The following UNC13B variants were observed in gnomAD, a reference collection of about 807,000 sequenced individuals.
UNC13B encodes unc-13 homolog B.
In UNC13B, 144 loss-of-function variants were observed where a neutral mutation model predicts 211.0. The ratio of observed to expected loss-of-function variants is 0.68; its 90% CI spans 0.60 to 0.78. UNC13B has a LOEUF of 0.78. Ranked by LOEUF, UNC13B falls within the 30% of genes least tolerant of loss-of-function variation. The pLI is 0.00. For synonymous variants in UNC13B, 709 were observed against 725.8 expected (o/e 0.98, Z 0.37); for missense variants, 1,777 against 2,002.0 (o/e 0.89, Z 2.14).
chr9:35,370,410 C>T lies in UNC13B; in HGVS notation c.9540+14C>T. The T allele has an allele frequency of 1.2e-6, 2 of 1,612,988 alleles. No homozygotes were observed. The highest frequency in any genetic ancestry group is 2.2e-5 in the East Asian group (1 of 44,876). ...GTCAGTGATCTGGTGAGTGAAGACTCTTGTGCAGGCATAGGCAGTAGCCTT... is the reference window on the plus strand; with the variant it reads ...GTCAGTGATCTGGTGAGTGAAGACTTTTGTGCAGGCATAGGCAGTAGCCTT... On this transcript the variant is annotated intron_variant, in intron 13 of 39. Coordinates refer to ENST00000635942, the MANE Select transcript of UNC13B (RefSeq NM_001371189.2).
In UNC13B at chr9:35,390,697, T is replaced by C; in HGVS notation, c.11291T>C (p.Met3764Thr). The change falls in exon 26 of 40, where the codon ATG (methionine) becomes ACG (threonine). Residue 3764 changes from methionine (M) to threonine (T), a missense_variant. By Grantham distance (81) the Met-to-Thr change is moderately conservative. Transcript: ENST00000635942. ...ATGTGGCATTTGTTTGCCCAAGACA[T>C]GAAATATGCATTGGAGGGTAAGGAT... ...EVMWHLFAQD[M>T]KYALEEHEKD... 6.2e-7 allele frequency: 1 copy of C among 1,614,068 alleles called. No homozygotes were observed. Among genetic ancestry groups the C allele is most frequent in the Non-Finnish European group, 8.5e-7 (1 of 1,180,006 alleles).
rs1820826359 is a variant in UNC13B at position 35,162,364 on chromosome 9, T to C, written c.22+59T>C. ...GTCGGCGTAGAGGTCCCCGCACCCT[T>C]CCAGTGGACGTCCGGTGACCGTCTC... On this transcript the variant is annotated intron_variant, in intron 1 of 39. Coordinates refer to ENST00000635942, the MANE Select transcript of UNC13B (RefSeq NM_001371189.2). 4.0e-6 allele frequency: 6 copies of C among 1,481,834 alleles called. No homozygotes were observed. The Admixed American group carries it at 1.3e-4, about 32-fold the overall frequency. The allele number at this position is 1,481,834 out of a possible 1,614,324, so 91.8% of individuals were successfully genotyped here.
intron 1 of UNC13B, among the ~76,000 whole-genome samples, chr9:35,168,496 T>C (rs889176680): frequency 6.6e-6 from 1 of 152,178 alleles, no homozygotes; most frequent in Admixed American, 6.5e-5. Flanking sequence ...TTCTTTGGCA[T>C]ATAATTATAC....
In UNC13B at chr9:35,384,325, A is replaced by T. The variant is rs753490976; in HGVS notation, c.10875+11A>T. ...CTCTCTACATACAGGGTGAGTGAAG[A>T]CACGGCTGTGGGCAGGATAATAGAT... is the stretch of plus-strand genomic sequence containing the variant. On this transcript the variant is annotated intron_variant, in intron 22 of 39. Transcript: ENST00000635942. The T allele has an allele frequency of 6.2e-7, 1 of 1,613,418 alleles. No homozygotes were observed. The highest frequency in any genetic ancestry group is 1.7e-5 in the Admixed American group (1 of 60,020).
At chr9:35,241,163 A>G (rs756048105) in intron 5 of UNC13B, among the ~76,000 whole-genome samples, 1 of 151,958 alleles carries the variant, frequency 6.6e-6, no homozygotes, top group Non-Finnish European at 1.5e-5. Flanking sequence ...AGTAATCCTC[A>G]TTTCAGTCCT....
chr9:35,403,357 C>T (rs1285319140), intron 38 of UNC13B, 83 bp from the exon 39 acceptor site: 36 of 1,602,568 alleles, frequency 2.2e-5, no homozygotes, highest in South Asian at 1.9e-4. Flanking sequence ...CAGCTCAGCC[C>T]TCCTCCAAGG....
chr9:35,210,887 A>G (rs1007898866), intron 1 of UNC13B, among the ~76,000 whole-genome samples: 1 of 152,072 alleles, frequency 6.6e-6, no homozygotes, highest in Non-Finnish European at 1.5e-5. Context: ...GCAATGCCCC[A>G]TAGAAGTGTT....
chr9:35,252,625 A>G (rs979470168), intron 6 of UNC13B, among the ~76,000 whole-genome samples: 2 of 151,718 alleles, frequency 1.3e-5, no homozygotes, highest in African/African-American at 4.8e-5. Flanking sequence ...TAATTATATT[A>G]TCCCTTCAGC....
intron 6 of UNC13B, among the ~76,000 whole-genome samples, chr9:35,249,211 G>A (rs1187851876): frequency 2.0e-5 from 3 of 152,060 alleles, no homozygotes; most frequent in Non-Finnish European, 4.4e-5. Context: ...TTGCTTGGTA[G>A]ATCTTCCTCC....
chr9:35,247,757 A>G (rs1826190739), intron 6 of UNC13B, among the ~76,000 whole-genome samples: 1 of 152,172 alleles, frequency 6.6e-6, no homozygotes, highest in Admixed American at 6.5e-5. Flanking sequence ...TCAGTTTGTC[A>G]GTATTTTATT....
chr9:35,304,838 G>T lies in UNC13B; in HGVS notation c.5434G>T (p.Val1812Leu), dbSNP rs943620642. The change falls in exon 9 of 40, where the codon GTG becomes TTG. Residue 1812 changes from valine to leucine, a missense_variant. Coordinates refer to ENST00000635942, the MANE Select transcript of UNC13B (RefSeq NM_001371189.2). Reference sequence around the variant, plus strand: ...GCAATTAGAGGGTAACTCCCCAAATGTGGAAAAAAGTCTTCTTAAGGATTC... The same window carrying T: ...GCAATTAGAGGGTAACTCCCCAAATTTGGAAAAAAGTCTTCTTAAGGATTC... ...SKQLEGNSPN[V>L]EKSLLKDSER... 2.5e-6 allele frequency: 1 copy of T among 398,878 alleles called. No individual in the cohort carries two copies. Among genetic ancestry groups the T allele is most frequent in the Non-Finnish European group, 4.4e-6 (1 of 225,972 alleles). The allele number at this position is 398,878 out of a possible 1,614,324, so 24.7% of individuals were successfully genotyped here. A position where few individuals can be genotyped will look rare whatever the true frequency, so the allele number is the denominator to read the frequency against.
At chr9:35,179,725 A>T (rs573439233) in intron 1 of UNC13B, among the ~76,000 whole-genome samples, 4 of 152,272 alleles carry the variant, frequency 2.6e-5, no homozygotes, top group Admixed American at 6.5e-5. Context: ...TGGGAGATTG[A>T]GGCTGCAGTG....
intron 13 of UNC13B, 89 bp from the exon 14 acceptor site, chr9:35,375,037 GT>G: frequency 7.9e-7 from 1 of 1,273,418 alleles, no homozygotes; most frequent in Non-Finnish European, 1.1e-6. Flanking sequence ...GTAAGCTATA[GT>G]CAAGTGGCTT....
At chr9:35,190,727 T>A (rs1404083201) in intron 1 of UNC13B, among the ~76,000 whole-genome samples, 3 of 152,076 alleles carry the variant, frequency 2.0e-5, no homozygotes, top group Non-Finnish European at 4.4e-5. Context: ...AAAAACATGA[T>A]CCAAGAAGAG....
intron 1 of UNC13B, among the ~76,000 whole-genome samples, chr9:35,163,619 C>T (rs1367700632): frequency 6.6e-6 from 1 of 152,208 alleles, no homozygotes; most frequent in Non-Finnish European, 1.5e-5. Flanking sequence ...TGCTGTGTCT[C>T]TTGGACAGTT....
At chr9:35,333,134 CAATA>C (rs1831463127) in intron 11 of UNC13B, among the ~76,000 whole-genome samples, 1 of 151,710 alleles carries the variant, frequency 6.6e-6, no homozygotes, top group African/African-American at 2.4e-5. Context: ...TATTATCATT[CAATA>C]AAAAGTTTAA....
At chr9:35,380,428 A>G (rs756940629) in intron 17 of UNC13B, 42 bp from the exon 18 acceptor site, 1 of 1,598,222 alleles carries the variant, frequency 6.3e-7, no homozygotes, top group East Asian at 2.2e-5. Flanking sequence ...ATTTGGCGCT[A>G]CTGGGTCTGC....
intron 1 of UNC13B, among the ~76,000 whole-genome samples, chr9:35,175,378 T>G (rs1406322018): frequency 6.6e-6 from 1 of 152,176 alleles, no homozygotes; most frequent in Admixed American, 6.5e-5. Context: ...AAAAAGGGGC[T>G]GATGCTGCCG....
chr9:35,366,960 G>A lies in UNC13B; in HGVS notation c.9428G>A (p.Gly3143Asp). The change falls in exon 12 of 40, where the codon GGT (glycine) becomes GAT (aspartate). Residue 3143 changes from glycine to aspartate, a missense_variant. Transcript: ENST00000635942. ...RLQLQEIPDD[G>D]DPSLPQWLPE... ...CTCTTTTTAAAGATTCCAGATGATG[G>A]TGACCCCTCTCTGCCTCAGTGGCTC... The A allele has an allele frequency of 1.2e-6, 2 of 1,613,898 alleles. No homozygotes were observed. Among genetic ancestry groups the A allele is most frequent in the Middle Eastern group, 1.7e-4 (1 of 6,060 alleles).
Sources: allele counts gnomAD v4.1 joint callset (sites outside exome capture counted in the v4.1 genomes callset), GRCh38; gene constraint gnomAD v4.1.1; transcripts MANE v1.5; gene names NCBI Gene and HGNC (gene_info 2026-07-23, HGNC 2026-07-21).